Variants in ASTN1 observed in about 807,000 individuals in gnomAD.
ASTN1 encodes the protein astrotactin 1, also known as astrotactin-1.
A neutral mutation model predicts 140.7 loss-of-function variants in ASTN1; 41 were observed. That is an observed-to-expected ratio of 0.29 (90% CI 0.23 to 0.38). ASTN1 has a LOEUF of 0.38. ASTN1 is among the 10% of genes least tolerant of loss of function. ASTN1 has a pLI of 1.00. For synonymous variants in ASTN1, 640 were observed against 652.2 expected, an observed-to-expected ratio of 0.98 and a Z score of 0.29; for missense variants, 1,479 against 1,678.8, an observed-to-expected ratio of 0.88 and a Z score of 2.08.
chr1:177,069,438 G>T (rs999128170), intron 1 of ASTN1, among the ~76,000 whole-genome samples: 1 of 152,160 alleles, frequency 6.6e-6, no homozygotes, highest in African/African-American at 2.4e-5. Context: ...GGAGTGATGA[G>T]AGAAAGGAAA....
chr1:177,122,631 G>A (rs1681458365), intron 1 of ASTN1, among the ~76,000 whole-genome samples: 1 of 152,162 alleles, frequency 6.6e-6, no homozygotes, highest in Non-Finnish European at 1.5e-5. Context: ...CTGGCAACCT[G>A]GCTGCTCTTG....
At chr1:177,161,971 T>C (rs1647404036) in intron 1 of ASTN1, among the ~76,000 whole-genome samples, 1 of 152,182 alleles carries the variant, frequency 6.6e-6, no homozygotes, top group Non-Finnish European at 1.5e-5. Flanking sequence ...GAGACTTTTT[T>C]TTAACTTCTG....
chr1:177,063,931 T>A (rs1678224261), intron 1 of ASTN1, among the ~76,000 whole-genome samples: 1 of 152,084 alleles, frequency 6.6e-6, no homozygotes, highest in South Asian at 2.1e-4. Flanking sequence ...CACATCTGAG[T>A]GCCACTCAGC....
chr1:176,877,944 A>G (rs982935621), intron 20 of ASTN1, among the ~76,000 whole-genome samples: 12 of 152,220 alleles, frequency 7.9e-5, no homozygotes, highest in Non-Finnish European at 1.6e-4. Flanking sequence ...TCTGGCAAGA[A>G]ATATGCATTT....
intron 19 of ASTN1, 131 bp from the exon 20 acceptor site, chr1:176,883,125 A>C: frequency 7.8e-7 from 1 of 1,287,128 alleles, no homozygotes; most frequent in Non-Finnish European, 1.1e-6. Flanking sequence ...AGAGAAGGAG[A>C]CTTAGAAGGA....
At chr1:176,983,635 T>C (rs1366360639) in intron 8 of ASTN1, among the ~76,000 whole-genome samples, 2 of 152,298 alleles carry the variant, frequency 1.3e-5, no homozygotes, top group South Asian at 4.1e-4. Context: ...ACAGGGTTGT[T>C]TTCTGTTCTC....
chr1:177,076,559 T>G (rs575736666), intron 1 of ASTN1, among the ~76,000 whole-genome samples: 161 of 149,326 alleles, frequency 1.1e-3, no homozygotes, highest in Non-Finnish European at 1.7e-3. Context: ...TCTCACTTCA[T>G]CACCCAGGCT....
In ASTN1 at chr1:177,032,547, C is replaced by T; in HGVS notation, c.774G>A (p.Met258Ile). The change falls in exon 3 of 23, where the codon ATG becomes ATA. Residue 258 changes from methionine to isoleucine, a missense_variant. Transcript: ENST00000361833. ...DLRHHLQREC[M>I]NGGEDFASQV... Reference sequence around the variant, plus strand: ...GGCTGGCAAAGTCCTCCCCTCCGTTCATGCACTCCCTCTGCAGATGGTGGC... The same window carrying T: ...GGCTGGCAAAGTCCTCCCCTCCGTTTATGCACTCCCTCTGCAGATGGTGGC... 1 of 1,614,180 alleles carries T rather than the reference C, an allele frequency of 6.2e-7. No homozygotes were observed. Among genetic ancestry groups the T allele is most frequent in the Admixed American group, 1.7e-5 (1 of 60,030 alleles).
chr1:177,021,798 C>T (rs1185133680), intron 7 of ASTN1, among the ~76,000 whole-genome samples: 3 of 152,312 alleles, frequency 2.0e-5, no homozygotes, highest in Non-Finnish European at 2.9e-5. Flanking sequence ...CTGAGATTGT[C>T]CCAAATCCTT....
intron 2 of ASTN1, among the ~76,000 whole-genome samples, chr1:177,039,935 C>T (rs1231314229): frequency 6.6e-6 from 1 of 152,216 alleles, no homozygotes; most frequent in Non-Finnish European, 1.5e-5. Context: ...GATCTCCTCA[C>T]AAGCAGATCC....
intron 8 of ASTN1, among the ~76,000 whole-genome samples, chr1:176,975,492 G>A (rs552782638): frequency 6.6e-6 from 1 of 152,336 alleles, no homozygotes; most frequent in African/African-American, 2.4e-5. Context: ...CAGGGCTGTT[G>A]GTTGGGCATC....
At chr1:177,058,977 C>G (rs557410252) in intron 2 of ASTN1, among the ~76,000 whole-genome samples, 1 of 152,166 alleles carries the variant, frequency 6.6e-6, no homozygotes, top group African/African-American at 2.4e-5. Flanking sequence ...TGCAGATTCT[C>G]GCACTATGCC....
intron 16 of ASTN1, among the ~76,000 whole-genome samples, chr1:176,900,750 G>A (rs1217186385): frequency 3.3e-5 from 5 of 152,090 alleles, no homozygotes; most frequent in South Asian, 2.1e-4. Context: ...AATATAATTC[G>A]CAAAGACAGT....
At chr1:176,915,819 C>T (rs1290937103) in intron 16 of ASTN1, among the ~76,000 whole-genome samples, 1 of 152,152 alleles carries the variant, frequency 6.6e-6, no homozygotes, top group Non-Finnish European at 1.5e-5. Context: ...ATGCACCAGG[C>T]TAGTGCTTGC....
At chr1:177,161,246 C>T (rs1647341305) in intron 1 of ASTN1, among the ~76,000 whole-genome samples, 1 of 152,178 alleles carries the variant, frequency 6.6e-6, no homozygotes, top group African/African-American at 2.4e-5. Flanking sequence ...CAGAGCCAGG[C>T]CCAGTCCCCA....
intron 16 of ASTN1, among the ~76,000 whole-genome samples, chr1:176,929,673 A>G (rs11812079): frequency 0.047 from 7,089 of 152,288 alleles, 188 homozygotes; most frequent in African/African-American, 0.072. Context: ...GGAGTTACTG[A>G]AGGATTTAAA....
At chr1:177,158,593 A>G (rs1454663808) in intron 1 of ASTN1, among the ~76,000 whole-genome samples, 1 of 151,776 alleles carries the variant, frequency 6.6e-6, no homozygotes, top group Non-Finnish European at 1.5e-5. Flanking sequence ...ACTGGCCCTG[A>G]TGTGAGAAAC....
At chr1:176,913,840 C>T (rs541518965) in intron 16 of ASTN1, among the ~76,000 whole-genome samples, 3 of 152,338 alleles carry the variant, frequency 2.0e-5, no homozygotes, top group Non-Finnish European at 4.4e-5. Context: ...TCACTATACA[C>T]AGCTCAGGCT....
At chr1:177,036,062 T>TTTTTTTGTTTGG (rs1676703051) in intron 2 of ASTN1, among the ~76,000 whole-genome samples, 1 of 138,662 alleles carries the variant, frequency 7.2e-6, no homozygotes, top group African/African-American at 2.6e-5. Flanking sequence ...TTTTTTTTTT[T>TTTTTTTGTTTGG]GAGATGGAGT....
Sources: gnomAD v4.1 joint callset for allele counts (sites outside exome capture counted in the v4.1 genomes callset) on GRCh38, gnomAD v4.1.1 for gene constraint, MANE v1.5 for transcripts, NCBI Gene and HGNC (gene_info 2026-07-23, HGNC 2026-07-21) for gene names.